SYN3: variants seen among roughly 807,000 people sequenced by gnomAD.
The protein encoded by SYN3 is synapsin III.
In SYN3, 35 loss-of-function variants were observed where a neutral mutation model predicts 65.8. That is an observed-to-expected ratio of 0.53 (90% CI 0.41 to 0.70). SYN3 has a LOEUF of 0.70. Among genes scored for constraint, SYN3 ranks in the 30% least tolerant of loss-of-function variants. The probability of loss-of-function intolerance (pLI) is 0.00; values close to 1 mark genes in which losing one functional copy is unlikely to be tolerated. For synonymous variants in SYN3, 270 were observed against 292.9 expected (o/e 0.92, Z 0.80); for missense variants, 680 against 749.0 (o/e 0.91, Z 1.08).
At chr22:32,839,010 A>T (rs984496011) in intron 6 of SYN3, among the ~76,000 whole-genome samples, 1 of 151,684 alleles carries the variant, frequency 6.6e-6, no homozygotes, top group Non-Finnish European at 1.5e-5. Flanking sequence ...GGGTGGACAG[A>T]AGGCTTCCTG....
intron 10 of SYN3, among the ~76,000 whole-genome samples, chr22:32,532,876 C>A (rs1029920300): frequency 1.3e-5 from 2 of 151,940 alleles, no homozygotes; most frequent in Admixed American, 6.6e-5. Context: ...GGGCTGGACG[C>A]GGCACTGGAG....
intron 7 of SYN3, among the ~76,000 whole-genome samples, chr22:32,559,016 C>A (rs746256385): frequency 6.6e-6 from 1 of 152,236 alleles, no homozygotes; most frequent in Non-Finnish European, 1.5e-5. Context: ...CTACCTCTAA[C>A]GAGTGCTTTC....
chr22:33,008,241 T>A (rs1188168764), intron 1 of SYN3, among the ~76,000 whole-genome samples: 2 of 152,206 alleles, frequency 1.3e-5, no homozygotes, highest in Non-Finnish European at 2.9e-5. Flanking sequence ...CCAGCCAGTA[T>A]TTTTATTGCA....
At chr22:32,734,513 GCAGACAGA>G (rs6147593) in intron 6 of SYN3, among the ~76,000 whole-genome samples, 115 of 151,440 alleles carry the variant, frequency 7.6e-4, no homozygotes, top group African/African-American at 2.7e-3. Flanking sequence ...AGGCAGGCAG[GCAGACAGA>G]CAGACAGACA....
Position 32,925,957 on chromosome 22 carries a change from T to C in SYN3, c.461+5433A>G, listed in dbSNP as rs376627580. ...AGCATCCGCTCCCAGGTTCAAGTGA[T>C]TCTCATGCCTCAGCCACTCAAATAG... On this transcript the variant is annotated intron_variant, in intron 4 of 13. Transcript: ENST00000358763. Among the ~76,000 whole-genome samples the C allele has an allele frequency of 4.3e-4, 65 of 150,212 alleles. 1 individual carries two copies. The South Asian group carries it at 0.013, about 30-fold the overall frequency.
intron 6 of SYN3, among the ~76,000 whole-genome samples, chr22:32,671,591 G>A (rs1272813736): frequency 2.2e-5 from 3 of 139,496 alleles, no homozygotes; most frequent in Admixed American, 7.2e-5. Flanking sequence ...ACACACACAC[G>A]CTGTCATACA....
rs187101903 is a variant in SYN3, at chr22:32,508,177, C to A, written c.*5515G>T. Among the ~76,000 whole-genome samples the A allele has an allele frequency of 1.6e-4, 24 of 152,210 alleles. No individual in the cohort carries two copies. The highest frequency in any genetic ancestry group is 3.4e-3 in the Middle Eastern group (1 of 294). On this transcript the variant is annotated 3_prime_UTR_variant, in exon 14 of 14. Coordinates refer to ENST00000358763, the MANE Select transcript of SYN3 (RefSeq NM_003490.4). Reference sequence around the variant, plus strand: ...AGAATCACAAAAGAAGTGAAAAGGCCCTGCCCCGCCTTAACTGATGACATT... The same window carrying A: ...AGAATCACAAAAGAAGTGAAAAGGCACTGCCCCGCCTTAACTGATGACATT...
chr22:32,985,531 G>T (rs990937334), intron 2 of SYN3, among the ~76,000 whole-genome samples: 2 of 152,194 alleles, frequency 1.3e-5, no homozygotes, highest in Non-Finnish European at 2.9e-5. Context: ...GTAGGGCAGG[G>T]ATTGCTCCCA....
In SYN3 at chr22:32,826,449, TAAAC is replaced by T. The variant is rs536301832; in HGVS notation, c.711+38462_711+38465del. On this transcript the variant is annotated intron_variant, in intron 6 of 13. Coordinates refer to ENST00000358763, the MANE Select transcript of SYN3 (RefSeq NM_003490.4). ...TCTCAAAAATAAATAAATAAATAAA[TAAAC>T]AAAATTTAAAAAGGTAATAATGTAA... is the stretch of plus-strand genomic sequence containing the variant. Among the ~76,000 whole-genome samples, 1,234 of 151,792 alleles carry T rather than the reference TAAAC, an allele frequency of 8.1e-3. 9 individuals carry two copies. The highest frequency in any genetic ancestry group is 0.012 in the Non-Finnish European group (784 of 67,916).
rs933549883 is a variant in SYN3 at position 32,511,185 on chromosome 22, A to G, written c.*2507T>C. ...CCCTATGCCCCACTTGGCTTTCTTC[A>G]GAAATTCCAAGGGAGTGGTGAAAGA... On this transcript the variant is annotated 3_prime_UTR_variant, in exon 14 of 14. Transcript: ENST00000358763. Among the ~76,000 whole-genome samples the G allele has an allele frequency of 3.9e-5, 6 of 152,170 alleles. No homozygotes were observed. Among genetic ancestry groups the G allele is most frequent in the Non-Finnish European group, 8.8e-5 (6 of 68,040 alleles).
At chr22:32,852,818 G>A (rs1438305004) in intron 6 of SYN3, among the ~76,000 whole-genome samples, 2 of 152,206 alleles carry the variant, frequency 1.3e-5, no homozygotes, top group South Asian at 2.1e-4. Context: ...TAGCTGGGCT[G>A]TGGGGTGAAG....
chr22:33,034,435 A>G (rs1342862894), intron 1 of SYN3, among the ~76,000 whole-genome samples: 1 of 151,616 alleles, frequency 6.6e-6, no homozygotes, highest in Non-Finnish European at 1.5e-5. Context: ...TTTAGTAGAG[A>G]CGGGGTTTCA....
At chr22:32,963,125 G>C (rs960131658) in intron 3 of SYN3, among the ~76,000 whole-genome samples, 48 of 148,984 alleles carry the variant, frequency 3.2e-4, no homozygotes, top group Non-Finnish European at 6.1e-4. Flanking sequence ...CACCCAGGCT[G>C]GACAGCAGTG....
At chr22:32,724,801 G>A (rs1216903600) in intron 6 of SYN3, among the ~76,000 whole-genome samples, 1 of 152,124 alleles carries the variant, frequency 6.6e-6, no homozygotes, top group African/African-American at 2.4e-5. Flanking sequence ...CCAGGGAGGA[G>A]AGGGCTGCTG....
intron 6 of SYN3, among the ~76,000 whole-genome samples, chr22:32,808,253 A>C (rs2046818598): frequency 6.6e-6 from 1 of 152,226 alleles, no homozygotes; most frequent in Non-Finnish European, 1.5e-5. Context: ...TTGAACACAC[A>C]TACACAGGGT....
At chr22:32,998,802 A>G (rs2052973846) in intron 2 of SYN3, among the ~76,000 whole-genome samples, 1 of 150,834 alleles carries the variant, frequency 6.6e-6, no homozygotes, top group Non-Finnish European at 1.5e-5. Context: ...AAAAAAAACA[A>G]AAGTCCCTCC....
chr22:32,790,624 G>A (rs1250287416), intron 6 of SYN3, among the ~76,000 whole-genome samples: 5 of 152,014 alleles, frequency 3.3e-5, no homozygotes, highest in African/African-American at 7.2e-5. Flanking sequence ...ACGGGGTTTC[G>A]CCATGTTGGC....
chr22:32,578,698 C>T (rs1404086798), intron 7 of SYN3, among the ~76,000 whole-genome samples: 2 of 152,196 alleles, frequency 1.3e-5, no homozygotes, highest in Non-Finnish European at 1.5e-5. Flanking sequence ...TTCTGTAAAA[C>T]TTATCTTGGT....
chr22:32,521,322 G>A (rs774042868), intron 12 of SYN3, among the ~76,000 whole-genome samples: 21 of 152,224 alleles, frequency 1.4e-4, no homozygotes, highest in Non-Finnish European at 2.9e-4. Context: ...CTCTGATCAA[G>A]GAAGCCGCTG....
Sources: allele counts gnomAD v4.1 joint callset (sites outside exome capture counted in the v4.1 genomes callset), GRCh38; gene constraint gnomAD v4.1.1; transcripts MANE v1.5; gene names NCBI Gene and HGNC (gene_info 2026-07-23, HGNC 2026-07-21).